Variants in FER observed in about 807,000 individuals in gnomAD.
The protein encoded by FER is FER tyrosine kinase, also known as tyrosine-protein kinase Fer.
FER carries 63 observed loss-of-function variants against 111.0 expected under a neutral mutation model. The ratio of observed to expected loss-of-function variants is 0.57; its 90% CI spans 0.46 to 0.70. The LOEUF is 0.70. Among genes scored for constraint, FER ranks in the 30% least tolerant of loss-of-function variants. The pLI, the probability that FER is intolerant of heterozygous loss-of-function variation, is 0.00. For missense variants in FER, 914 were observed against 954.0 expected (o/e 0.96, Z 0.55); for synonymous variants, 327 against 313.9 (o/e 1.04, Z -0.44).
intron 16 of FER, among the ~76,000 whole-genome samples, chr5:109,086,583 C>G (rs1777591630): frequency 6.6e-6 from 1 of 151,406 alleles, no homozygotes. Context: ...CTTTTCCTGC[C>G]TTGCTTTGTC....
At chr5:108,886,522 A>G (rs1747197175) in intron 9 of FER, among the ~76,000 whole-genome samples, 1 of 151,252 alleles carries the variant, frequency 6.6e-6, no homozygotes, top group African/African-American at 2.4e-5. Context: ...CCTTTTGTAT[A>G]GTAGCCTGTG....
chr5:108,998,205 ACT>A (rs1474864503), intron 13 of FER, among the ~76,000 whole-genome samples: 1 of 148,798 alleles, frequency 6.7e-6, no homozygotes, highest in Non-Finnish European at 1.5e-5. Context: ...AAAAAAAAAA[ACT>A]CTTGCAGCTA....
At chr5:108,980,718 C>G (rs11949510) in intron 13 of FER, among the ~76,000 whole-genome samples, 19,258 of 152,054 alleles carry the variant, frequency 0.13, 1,228 homozygotes, top group Middle Eastern at 0.16. Flanking sequence ...TTCCAAACAC[C>G]CTTCAGAAGA....
chr5:109,071,448 G>C (rs1362153111), intron 16 of FER, among the ~76,000 whole-genome samples: 1 of 152,014 alleles, frequency 6.6e-6, no homozygotes, highest in Non-Finnish European at 1.5e-5. Flanking sequence ...ACTGGTGATA[G>C]AAACCTACAT....
At position 108,974,542 on chromosome 5, in the gene FER, C is replaced by T. The variant is rs540732561; in HGVS notation, c.1656+15195C>T. On this transcript the variant is annotated intron_variant, in intron 13 of 19. Transcript: ENST00000281092. ...GGCATGGTAGATAGAATAATGGCTCCCCAAATATGTCTACACCCTAATTGC... is the reference window on the plus strand; with the variant it reads ...GGCATGGTAGATAGAATAATGGCTCTCCAAATATGTCTACACCCTAATTGC... Among the ~76,000 whole-genome samples the T allele has an allele frequency of 2.0e-5, 3 of 152,176 alleles. No individual in the cohort carries two copies. The South Asian group carries it at 6.3e-4, about 32-fold the overall frequency.
intron 3 of FER, chr5:108,820,229 A>G: frequency 1.0e-6 from 1 of 985,422 alleles, no homozygotes; most frequent in African/African-American, 1.7e-5. Context: ...ATAAAAGTCA[A>G]GGAGTTTGTG....
At chr5:109,137,720 A>C (rs887647508) in intron 17 of FER, among the ~76,000 whole-genome samples, 3 of 152,182 alleles carry the variant, frequency 2.0e-5, no homozygotes, top group South Asian at 4.1e-4. Context: ...GAATCTGGCA[A>C]AAGGCCCATA....
chr5:109,017,058 A>G (rs1193720120), intron 13 of FER, among the ~76,000 whole-genome samples: 1 of 152,012 alleles, frequency 6.6e-6, no homozygotes, highest in African/African-American at 2.4e-5. Flanking sequence ...ATACTTTGTT[A>G]TGGCAGCCTA....
chr5:109,196,772 G>GT lies in FER; in HGVS notation c.*9199dup, dbSNP rs532696667. ...TTGTCTTTTCTTTTCCAATAGACCA[G>GT]TTACCACTCATGTGTCTGCAGAACC... On this transcript the variant is annotated 3_prime_UTR_variant, in exon 20 of 20. Coordinates refer to ENST00000281092, the MANE Select transcript of FER (RefSeq NM_005246.4). 146 of 152,134 alleles carry GT rather than the reference G, an allele frequency of 9.6e-4. No individual in the cohort carries two copies. Among genetic ancestry groups the GT allele is most frequent in the African/African-American group, 3.2e-3 (131 of 41,516 alleles). The allele number at this position is 152,134 out of a possible 1,614,324, so 9.4% of individuals were successfully genotyped here. A position where few individuals can be genotyped will look rare whatever the true frequency, so the allele number is the denominator to read the frequency against.
At chr5:108,998,456 G>C (rs1484420920) in intron 13 of FER, among the ~76,000 whole-genome samples, 1 of 152,068 alleles carries the variant, frequency 6.6e-6, no homozygotes, top group Non-Finnish European at 1.5e-5. Flanking sequence ...ATCCTTCTTC[G>C]GCTCGCCCTC....
intron 17 of FER, among the ~76,000 whole-genome samples, chr5:109,124,958 A>G (rs1751509469): frequency 6.6e-6 from 1 of 150,412 alleles, no homozygotes; most frequent in Non-Finnish European, 1.5e-5. Context: ...AGGCAGGAGA[A>G]TGGCGTGAAC....
intron 13 of FER, among the ~76,000 whole-genome samples, chr5:108,980,858 A>G (rs1761944269): frequency 6.6e-6 from 1 of 152,188 alleles, no homozygotes; most frequent in African/African-American, 2.4e-5. Context: ...TTGGACAGAT[A>G]TAACATTCAA....
rs1241308276 is a variant in FER at position 109,193,220 on chromosome 5, G to C, written c.*5645G>C. The C allele has an allele frequency of 6.6e-6, 1 of 152,108 alleles. No homozygotes were observed. The highest frequency in any genetic ancestry group is 1.5e-5 in the Non-Finnish European group (1 of 68,012). 9.4% of individuals were successfully genotyped at this position (152,108 alleles called of 1,614,324 possible). A position where few individuals can be genotyped will look rare whatever the true frequency, so the allele number is the denominator to read the frequency against. On this transcript the variant is annotated 3_prime_UTR_variant, in exon 20 of 20. Transcript: ENST00000281092. ...ATTTAATCAGAATTACCCTTGCTCT[G>C]TTTATCTGTGAGGCCTCAGACACAA...
intron 5 of FER, among the ~76,000 whole-genome samples, chr5:108,857,338 A>T (rs1763100534): frequency 6.6e-6 from 1 of 151,978 alleles, no homozygotes; most frequent in Non-Finnish European, 1.5e-5. Flanking sequence ...TTTCTGCATA[A>T]TATTTATTTA....
At chr5:108,980,891 A>G (rs1452077001) in intron 13 of FER, among the ~76,000 whole-genome samples, 1 of 152,120 alleles carries the variant, frequency 6.6e-6, no homozygotes, top group Non-Finnish European at 1.5e-5. Flanking sequence ...ATTTCTTGTC[A>G]TTTGATAAAA....
At chr5:109,011,772 C>T (rs1435956246) in intron 13 of FER, among the ~76,000 whole-genome samples, 1 of 152,176 alleles carries the variant, frequency 6.6e-6, no homozygotes, top group Admixed American at 6.5e-5. Flanking sequence ...AGATTCAGGG[C>T]TGCTTCCTCT....
At chr5:109,117,929 A>G (rs1195159114) in intron 17 of FER, among the ~76,000 whole-genome samples, 7 of 152,046 alleles carry the variant, frequency 4.6e-5, no homozygotes, top group Admixed American at 1.3e-4. Flanking sequence ...GGGGTTTTCT[A>G]GATATACAAT....
intron 9 of FER, among the ~76,000 whole-genome samples, chr5:108,891,911 G>A (rs1480640752): frequency 1.6e-4 from 24 of 152,076 alleles, no homozygotes; most frequent in Admixed American, 3.9e-4. Context: ...GAGAACATGC[G>A]GTGTTTGGTT....
At chr5:109,163,521 C>A (rs1278518041) in intron 17 of FER, among the ~76,000 whole-genome samples, 2 of 152,118 alleles carry the variant, frequency 1.3e-5, no homozygotes, top group Admixed American at 6.6e-5. Flanking sequence ...ATGACAGCTG[C>A]TATTTCTTCA....
Sources: gnomAD v4.1 joint callset for allele counts (sites outside exome capture counted in the v4.1 genomes callset) on GRCh38, gnomAD v4.1.1 for gene constraint, MANE v1.5 for transcripts, NCBI Gene and HGNC (gene_info 2026-07-23, HGNC 2026-07-21) for gene names.